SASH1: variants seen among roughly 807,000 people sequenced by gnomAD.
SASH1 encodes the protein SAM and SH3 domain-containing protein 1.
In SASH1, 44 loss-of-function variants were observed where a neutral mutation model predicts 125.2. The ratio of observed to expected loss-of-function variants is 0.35; its 90% CI spans 0.28 to 0.45. SASH1 has a LOEUF of 0.45. SASH1 is among the 20% of genes least tolerant of loss of function. The pLI is 1.00. For missense variants in SASH1, 1,426 were observed against 1,614.5 expected (o/e 0.88, Z 2.00); for synonymous variants, 639 against 649.1 (o/e 0.98, Z 0.24).
At position 148,532,873 on chromosome 6, in the gene SASH1, A is replaced by G. The variant is rs1289788259; in HGVS notation, c.1641A>G (p.Glu547=). 6.2e-7 allele frequency: 1 copy of G among 1,614,222 alleles called. No homozygotes were observed. The highest frequency in any genetic ancestry group is 1.1e-5 in the South Asian group (1 of 91,088). The change falls in exon 14 of 20, where the codon GAA becomes GAG. Residue 547 remains glutamate, a synonymous_variant. Transcript: ENST00000367467. The surrounding 1 kb of genome is among the most constrained non-coding windows in gnomAD (Gnocchi z 4.7). ...ESVKSEDGDD[E]EPPYRGPFCG... ...TCAAGTCGGAAGATGGGGATGACGA[A>G]GAGCCGCCTTACCGAGGCCCGTTCT...
At chr6:148,366,688 C>T (rs893239111) in intron 1 of SASH1, among the ~76,000 whole-genome samples, 1 of 152,034 alleles carries the variant, frequency 6.6e-6, no homozygotes, top group African/African-American at 2.4e-5. Context: ...ACCTCTGCCT[C>T]CCAGGTTCAA....
intron 1 of SASH1, among the ~76,000 whole-genome samples, chr6:148,330,674 T>G (rs1365566351): frequency 6.6e-6 from 1 of 152,038 alleles, no homozygotes; most frequent in East Asian, 1.9e-4. Flanking sequence ...CAACCTCCAC[T>G]TCCCCAGTTC....
upstream of SASH1, among the ~76,000 whole-genome samples, chr6:148,269,924 G>C (rs6909812): frequency 0.029 from 4,480 of 152,290 alleles, 231 homozygotes; most frequent in African/African-American, 0.1. Context: ...TGGCAGGTGA[G>C]TGTGTACCTC....
In SASH1 at chr6:148,449,453, T is replaced by C. The variant is rs1776987113; in HGVS notation, c.386+9046T>C. Among the ~76,000 whole-genome samples the C allele has an allele frequency of 3.3e-5, 5 of 150,950 alleles. No homozygotes were observed. In the South Asian group the frequency reaches 1.1e-3, roughly 32 times the overall value. On this transcript the variant is annotated intron_variant, in intron 4 of 19. Transcript: ENST00000367467. ...CCCAGGCTGGAGTGCAATGGTGCAA[T>C]CTCGGCTCACTGCAACCTCCACCCA...
chr6:148,490,134 T>C (rs573214666), intron 8 of SASH1, among the ~76,000 whole-genome samples: 1 of 151,838 alleles, frequency 6.6e-6, no homozygotes, highest in Non-Finnish European at 1.5e-5. Flanking sequence ...ATTCACACTG[T>C]TTCAATATGA....
At chr6:148,245,291 C>A in the SASH1 span, among the ~76,000 whole-genome samples, 2 of 152,142 alleles carry the variant, frequency 1.3e-5, no homozygotes, top group Non-Finnish European at 2.9e-5. Flanking sequence ...AGGTAGCCTG[C>A]AATTAAGTTG....
At chr6:148,389,114 G>A (rs1467048183) in intron 1 of SASH1, among the ~76,000 whole-genome samples, 2 of 152,216 alleles carry the variant, frequency 1.3e-5, no homozygotes, top group Non-Finnish European at 2.9e-5. Flanking sequence ...GAAGACTATA[G>A]TGTGGAACAT....
chr6:148,522,271 ACAAT>A (rs1392740781), intron 10 of SASH1, among the ~76,000 whole-genome samples: 3 of 152,390 alleles, frequency 2.0e-5, no homozygotes, highest in Non-Finnish European at 2.9e-5. Flanking sequence ...GTACAGTTGT[ACAAT>A]CAAACAAATT....
At chr6:148,498,480 C>G (rs1779414714) in intron 8 of SASH1, among the ~76,000 whole-genome samples, 2 of 151,624 alleles carry the variant, frequency 1.3e-5, no homozygotes, top group Admixed American at 1.3e-4. Context: ...AACCCAGATA[C>G]TATATAATCT....
At chr6:148,485,580 C>T (rs993995260) in intron 7 of SASH1, among the ~76,000 whole-genome samples, 2 of 152,086 alleles carry the variant, frequency 1.3e-5, no homozygotes, top group Non-Finnish European at 2.9e-5. Context: ...GCCTGTTTTC[C>T]AGGTGGAGGA....
At chr6:148,257,397 G>A in the SASH1 span, among the ~76,000 whole-genome samples, 1 of 152,180 alleles carries the variant, frequency 6.6e-6, no homozygotes, top group Non-Finnish European at 1.5e-5. Flanking sequence ...TCATCTTAGA[G>A]ACAAAAGTTG....
In SASH1 at chr6:148,532,858, A is replaced by AGAT. The variant is rs779422886; in HGVS notation, c.1628_1630dup (p.Asp543dup). Reference sequence around the variant, plus strand: ...GCAACCGGGAAAGCGTCAAGTCGGAAGATGGGGATGACGAAGAGCCGCCTT... The same window carrying AGAT: ...GCAACCGGGAAAGCGTCAAGTCGGAAGATGATGGGGATGACGAAGAGCCGCCTT... On this transcript the variant is annotated inframe_insertion, in exon 14 of 20. Transcript: ENST00000367467. The surrounding 1 kb of genome is among the most constrained non-coding windows in gnomAD (Gnocchi z 4.7). 1.2e-6 allele frequency: 2 copies of AGAT among 1,614,238 alleles called. No individual in the cohort carries two copies. The highest frequency in any genetic ancestry group is 2.2e-5 in the East Asian group (1 of 44,884).
intron 1 of SASH1, among the ~76,000 whole-genome samples, chr6:148,362,401 T>TTCTTACTAGGTTCTA (rs1782270706): frequency 6.6e-6 from 1 of 152,034 alleles, no homozygotes. Flanking sequence ...TGTCCAGCAT[T>TTCTTACTAGGTTCTA]TCTTACTAGG....
chr6:148,242,243 T>C, the SASH1 span, among the ~76,000 whole-genome samples: 4 of 152,230 alleles, frequency 2.6e-5, no homozygotes, highest in African/African-American at 7.2e-5. Flanking sequence ...AATAAAGTCA[T>C]TGTGATTCAG....
At chr6:148,281,779 C>A (rs973482346) in intron 1 of SASH1, among the ~76,000 whole-genome samples, 1 of 151,790 alleles carries the variant, frequency 6.6e-6, no homozygotes, top group Non-Finnish European at 1.5e-5. Flanking sequence ...AAAAATTAGT[C>A]GGGCGTGGTG....
chr6:148,548,402 C>G lies in SASH1; in HGVS notation c.3588C>G (p.Gly1196=). 1 of 1,614,212 alleles carries G rather than the reference C, an allele frequency of 6.2e-7. No homozygotes were observed. Among genetic ancestry groups the G allele is most frequent in the Non-Finnish European group, 8.5e-7 (1 of 1,180,028 alleles). The stretch of plus-strand genomic sequence containing the variant: ...CCATCGGTCTGCCCATGTACGCCGG[C>G]ACCCTCTCCACCGCGGGCTTCAGCA... ...LISIGLPMYA[G]TLSTAGFSTL... is the part of the protein sequence containing the mutation. The change falls in exon 20 of 20, where the codon GGC becomes GGG. Residue 1196 remains glycine, a synonymous_variant. Coordinates refer to ENST00000367467, the MANE Select transcript of SASH1 (RefSeq NM_015278.5).
At chr6:148,362,645 T>C (rs1782283134) in intron 1 of SASH1, among the ~76,000 whole-genome samples, 2 of 151,624 alleles carry the variant, frequency 1.3e-5, no homozygotes, top group South Asian at 4.2e-4. Context: ...TTTAAAATAG[T>C]GGAATTGAGC....
chr6:148,270,328 A>G (rs559165773), upstream of SASH1, among the ~76,000 whole-genome samples: 1 of 152,178 alleles, frequency 6.6e-6, no homozygotes, highest in East Asian at 1.9e-4. Flanking sequence ...TATCAAAACC[A>G]CCCACTGCTC....
intron 8 of SASH1, among the ~76,000 whole-genome samples, chr6:148,488,307 G>A (rs1033121246): frequency 6.6e-6 from 1 of 152,352 alleles, no homozygotes; most frequent in South Asian, 2.1e-4. Context: ...CCACGCTGCA[G>A]CATGTATCAG....
Sources: allele counts gnomAD v4.1 joint callset (sites outside exome capture counted in the v4.1 genomes callset), GRCh38; gene constraint gnomAD v4.1.1; non-coding constraint Gnocchi (gnomAD v3.1); transcripts MANE v1.5; gene names NCBI Gene and HGNC (gene_info 2026-07-23, HGNC 2026-07-21).